Variants in DIAPH2 observed in about 807,000 individuals in gnomAD.
The protein encoded by DIAPH2 is protein diaphanous homolog 2.
A neutral mutation model predicts 92.7 loss-of-function variants in DIAPH2; 35 were observed. That is an observed-to-expected ratio of 0.38 (90% confidence interval 0.29 to 0.50). The LOEUF is 0.50. DIAPH2 is among the 20% of genes least tolerant of loss of function. DIAPH2 has a pLI of 0.94. For missense variants in DIAPH2, 701 were observed against 819.5 expected (o/e 0.86, Z 1.77); for synonymous variants, 301 against 280.4 (o/e 1.07, Z -0.73).
chrX:97,010,682 A>G (rs2066218807), intron 17 of DIAPH2, among the ~76,000 whole-genome samples: 1 of 111,933 alleles, frequency 8.9e-6, no homozygotes, highest in Non-Finnish European at 1.9e-5. Flanking sequence ...CATTATTTTT[A>G]TTGTTATGAA....
At chrX:97,398,935 C>G (rs754582406) in intron 25 of DIAPH2, among the ~76,000 whole-genome samples, 1 of 110,072 alleles carries the variant, frequency 9.1e-6, no homozygotes, top group African/African-American at 3.3e-5. Context: ...TTAGTAGAGA[C>G]GGGGTTTCAC....
chrX:96,750,829 CGTCA>C (rs1182678577), intron 3 of DIAPH2, among the ~76,000 whole-genome samples: 1 of 112,622 alleles, frequency 8.9e-6, no homozygotes, highest in Non-Finnish European at 1.9e-5. Flanking sequence ...TCTTCTGATA[CGTCA>C]GTATTTGCTG....
chrX:96,864,249 G>A (rs1420162383), intron 4 of DIAPH2, among the ~76,000 whole-genome samples: 5 of 107,604 alleles, frequency 4.6e-5, no homozygotes. Flanking sequence ...ATTCCTAGAA[G>A]TAGCATTATC....
chrX:96,797,768 T>C (rs1013852972), intron 4 of DIAPH2, among the ~76,000 whole-genome samples: 1 of 112,655 alleles, frequency 8.9e-6, no homozygotes, highest in African/African-American at 3.2e-5. Context: ...AGTTGCATTG[T>C]TTTTGATAAG....
intron 4 of DIAPH2, among the ~76,000 whole-genome samples, chrX:96,809,955 G>A (rs1163914042): frequency 8.9e-6 from 1 of 112,166 alleles, no homozygotes; most frequent in African/African-American, 3.2e-5. Flanking sequence ...CTTTGCTATT[G>A]TGAATAGTGC....
At chrX:96,863,241 C>CTT (rs72109103) in intron 4 of DIAPH2, among the ~76,000 whole-genome samples, 7 of 86,101 alleles carry the variant, frequency 8.1e-5, no homozygotes, top group Non-Finnish European at 9.1e-5. Context: ...CTCATTATTC[C>CTT]TTTTTTTTTT....
chrX:96,880,940 A>G (rs774933489), intron 4 of DIAPH2, among the ~76,000 whole-genome samples: 8 of 111,903 alleles, frequency 7.1e-5, no homozygotes, highest in Admixed American at 1.9e-4. Context: ...ACTAGTCACT[A>G]TCAGATAAAT....
At chrX:96,991,919 A>C (rs1569273638) in intron 17 of DIAPH2, among the ~76,000 whole-genome samples, 1 of 111,311 alleles carries the variant, frequency 9.0e-6, no homozygotes, top group Non-Finnish European at 1.9e-5. Flanking sequence ...GCATTTCTTT[A>C]GAAAGAACAT....
intron 23 of DIAPH2, among the ~76,000 whole-genome samples, chrX:97,287,472 A>G (rs907144543): frequency 9.0e-6 from 1 of 111,236 alleles, no homozygotes; most frequent in Non-Finnish European, 1.9e-5. Context: ...CTAGTTACAC[A>G]CAGGTATGCT....
At chrX:97,509,514 T>A (rs1368096807) in intron 26 of DIAPH2, among the ~76,000 whole-genome samples, 3 of 101,404 alleles carry the variant, frequency 3.0e-5, no homozygotes, top group Non-Finnish European at 6.0e-5. Context: ...TAGGAACTTT[T>A]ATTATTATTA....
intron 26 of DIAPH2, among the ~76,000 whole-genome samples, chrX:97,522,583 G>A (rs139154967): frequency 8.9e-6 from 1 of 112,842 alleles, no homozygotes. Flanking sequence ...GCTTTCATTA[G>A]TGCTTTAATT....
At chrX:96,791,195 A>G (rs1317360666) in intron 4 of DIAPH2, among the ~76,000 whole-genome samples, 1 of 111,896 alleles carries the variant, frequency 8.9e-6, no homozygotes, top group African/African-American at 3.2e-5. Flanking sequence ...AACTACACCA[A>G]ATGAAAGAGG....
chrX:97,521,102 A>G (rs755430242), intron 26 of DIAPH2, among the ~76,000 whole-genome samples: 4 of 111,283 alleles, frequency 3.6e-5, no homozygotes, highest in Non-Finnish European at 7.5e-5. Context: ...CCCTTACAGA[A>G]GAGGCCTGAG....
intron 22 of DIAPH2, among the ~76,000 whole-genome samples, chrX:97,205,055 CAAAA>C (rs200774250): frequency 9.2e-6 from 1 of 108,141 alleles, no homozygotes; most frequent in Non-Finnish European, 1.9e-5. Context: ...ACAAAACTGA[CAAAA>C]AAAAAGCAAT....
intron 23 of DIAPH2, among the ~76,000 whole-genome samples, chrX:97,343,236 A>G (rs1177063228): frequency 8.9e-6 from 1 of 111,793 alleles, no homozygotes; most frequent in East Asian, 2.8e-4. Flanking sequence ...CAGGGGAGAG[A>G]TTGGGATAGG....
chrX:96,973,908 T>C (rs2147834062), intron 17 of DIAPH2, among the ~76,000 whole-genome samples: 1 of 110,870 alleles, frequency 9.0e-6, no homozygotes, highest in Admixed American at 9.6e-5. Flanking sequence ...TTGGTCAGGC[T>C]GGTCTCGAAC....
At chrX:97,118,030 C>G (rs1413242363) in intron 21 of DIAPH2, among the ~76,000 whole-genome samples, 1 of 110,934 alleles carries the variant, frequency 9.0e-6, no homozygotes, top group Non-Finnish European at 1.9e-5. Context: ...AAATACTTAG[C>G]ATTCCCTATA....
In DIAPH2 at chrX:97,524,463, TA is replaced by T. The variant is rs767666621; in HGVS notation, c.3242-74788del. 2.7e-5 allele frequency among the ~76,000 whole-genome samples: 3 copies of T among 112,349 alleles called. No individual in the cohort carries two copies. In the South Asian group the frequency reaches 1.1e-3, roughly 42 times the overall value. On this transcript the variant is annotated intron_variant, in intron 26 of 26. Coordinates refer to ENST00000324765, the MANE Select transcript of DIAPH2 (RefSeq NM_006729.5). ...TGTCCATGTGCCTTTATATTTTACT[TA>T]ACAACATATATTCTTCACATTGACA...
At chrX:97,440,740 G>C (rs2070248125) in intron 26 of DIAPH2, among the ~76,000 whole-genome samples, 1 of 110,676 alleles carries the variant, frequency 9.0e-6, no homozygotes, top group Admixed American at 9.7e-5. Flanking sequence ...AAATATAGCA[G>C]AGATTACATG....
Sources: allele counts gnomAD v4.1 joint callset (sites outside exome capture counted in the v4.1 genomes callset), GRCh38; gene constraint gnomAD v4.1.1; transcripts MANE v1.5; gene names NCBI Gene and HGNC (gene_info 2026-07-23, HGNC 2026-07-21).